SLC24A4: variants seen among roughly 807,000 people sequenced by gnomAD.
SLC24A4 encodes sodium/potassium/calcium exchanger 4.
In SLC24A4, 53 loss-of-function variants were observed where a neutral mutation model predicts 79.0. That is an observed-to-expected ratio of 0.67 (90% CI 0.54 to 0.84). SLC24A4 has a LOEUF of 0.84. SLC24A4 is among the 40% of genes least tolerant of loss of function. The pLI, the probability that SLC24A4 is intolerant of heterozygous loss-of-function variation, is 0.00. For missense variants in SLC24A4, 731 were observed against 822.0 expected (o/e 0.89, Z 1.35); for synonymous variants, 323 against 323.8 (o/e 1.00, Z 0.03).
intron 2 of SLC24A4, among the ~76,000 whole-genome samples, chr14:92,395,432 AAC>A (rs60360408): frequency 0.025 from 3,617 of 144,680 alleles, 67 homozygotes; most frequent in East Asian, 0.057. Flanking sequence ...AACAAAACAA[AAC>A]ACACACACAC....
At chr14:92,345,303 G>T (rs1886462546) in intron 2 of SLC24A4, among the ~76,000 whole-genome samples, 1 of 152,206 alleles carries the variant, frequency 6.6e-6, no homozygotes, top group African/African-American at 2.4e-5. Flanking sequence ...GCAACCTGGA[G>T]CAAGTTACTT....
chr14:92,459,717 C>T (rs1893687891), intron 12 of SLC24A4, among the ~76,000 whole-genome samples: 3 of 152,150 alleles, frequency 2.0e-5, no homozygotes, highest in Admixed American at 6.5e-5. Context: ...GAGGAGCAGG[C>T]GGTGGGAACG....
chr14:92,400,371 A>G lies in SLC24A4; in HGVS notation c.242-33541A>G, dbSNP rs188446643. On this transcript the variant is annotated intron_variant, in intron 2 of 16. Transcript: ENST00000532405. ...GGAGAATTGCTTCAACATGGGAGGCAGAGGTTGCAGTGAGCCGAGATCGTG... is the reference window on the plus strand; with the variant it reads ...GGAGAATTGCTTCAACATGGGAGGCGGAGGTTGCAGTGAGCCGAGATCGTG... 6.1e-4 allele frequency among the ~76,000 whole-genome samples: 91 copies of G among 149,320 alleles called. 1 individual carries two copies. Among genetic ancestry groups the G allele is most frequent in the African/African-American group, 1.5e-3 (59 of 40,462 alleles).
At chr14:92,481,549 G>C (rs1895073506) in intron 12 of SLC24A4, among the ~76,000 whole-genome samples, 1 of 152,220 alleles carries the variant, frequency 6.6e-6, no homozygotes, top group African/African-American at 2.4e-5. Context: ...CTCCAACCTT[G>C]TTCTGCCCCC....
At chr14:92,327,896 G>A (rs959915557) in intron 2 of SLC24A4, among the ~76,000 whole-genome samples, 2 of 152,188 alleles carry the variant, frequency 1.3e-5, no homozygotes, top group African/African-American at 4.8e-5. Context: ...ATTATGCTTT[G>A]TATTGACTGT....
rs1465999110 is a variant in SLC24A4 at position 92,493,896 on chromosome 14, GGAGATGTGCCAA to G, written c.*270_*281del. The G allele has an allele frequency of 4.7e-5, 22 of 472,236 alleles. No homozygotes were observed. The highest frequency in any genetic ancestry group is 7.6e-5 in the Non-Finnish European group (20 of 262,804). 29.3% of individuals were successfully genotyped at this position (472,236 alleles called of 1,614,324 possible). On this transcript the variant is annotated 3_prime_UTR_variant, in exon 17 of 17. Coordinates refer to ENST00000532405, the MANE Select transcript of SLC24A4 (RefSeq NM_153646.4). ...CAAAGACCCCTGAGCTGCCAACCAC[GGAGATGTGCCAA>G]GCATCTCATCTCTCCTGCACACTTT...
intron 2 of SLC24A4, among the ~76,000 whole-genome samples, chr14:92,421,240 C>T (rs758161827): frequency 1.3e-5 from 2 of 152,116 alleles, no homozygotes; most frequent in Non-Finnish European, 2.9e-5. Flanking sequence ...GTGTGTCAGA[C>T]ATTCAGTAGG....
intron 2 of SLC24A4, among the ~76,000 whole-genome samples, chr14:92,384,797 C>G (rs61975637): frequency 0.067 from 10,163 of 152,234 alleles, 440 homozygotes; most frequent in Non-Finnish European, 0.085. Context: ...CTGCCCTCCT[C>G]CTCTTCCCCT....
intron 2 of SLC24A4, among the ~76,000 whole-genome samples, chr14:92,354,743 C>G (rs376700818): frequency 2.6e-5 from 4 of 152,224 alleles, no homozygotes; most frequent in African/African-American, 4.8e-5. Flanking sequence ...ATTATTTTGG[C>G]TCCCAGAGCA....
intron 2 of SLC24A4, among the ~76,000 whole-genome samples, chr14:92,426,210 A>G (rs575733665): frequency 5.9e-5 from 9 of 152,134 alleles, no homozygotes; most frequent in Non-Finnish European, 1.2e-4. Flanking sequence ...GAAGGTTTAT[A>G]TGGCTCATGA....
intron 2 of SLC24A4, among the ~76,000 whole-genome samples, chr14:92,376,371 G>A (rs1039247781): frequency 7.9e-5 from 12 of 152,250 alleles, no homozygotes; most frequent in Non-Finnish European, 1.2e-4. Flanking sequence ...GCCCCTGCCT[G>A]GTGCCCCCTT....
At chr14:92,372,830 C>A (rs1035092055) in intron 2 of SLC24A4, among the ~76,000 whole-genome samples, 3 of 151,710 alleles carry the variant, frequency 2.0e-5, no homozygotes, top group Admixed American at 6.6e-5. Flanking sequence ...ATTACATTTG[C>A]ACCTTGCTAG....
intron 2 of SLC24A4, among the ~76,000 whole-genome samples, chr14:92,401,431 T>C (rs1890106536): frequency 6.6e-6 from 1 of 152,174 alleles, no homozygotes; most frequent in South Asian, 2.1e-4. Flanking sequence ...TGTGGGCTAG[T>C]ATGGCCTAAA....
At chr14:92,486,518 G>A (rs912817581) in intron 13 of SLC24A4, 148 bp from the exon 14 acceptor site, 2 of 603,686 alleles carry the variant, frequency 3.3e-6, no homozygotes, top group African/African-American at 3.8e-5. Context: ...GGTTTTTTTT[G>A]TTTTGTTTTG....
rs1011371635 is a variant in SLC24A4, at chr14:92,398,945, C to G, written c.242-34967C>G. 6.6e-6 allele frequency among the ~76,000 whole-genome samples: 1 copy of G among 152,218 alleles called. No individual in the cohort carries two copies. The highest frequency in any genetic ancestry group is 6.5e-5 in the Admixed American group (1 of 15,272). On this transcript the variant is annotated intron_variant, in intron 2 of 16. Coordinates refer to ENST00000532405, the MANE Select transcript of SLC24A4 (RefSeq NM_153646.4). This position sits in a 1 kb window ranked among gnomAD's most constrained non-coding sequence, Gnocchi z 4.1. ...GTTGGTTTAAATCTGATGACACACT[C>G]TGTAACTCTCCAGTATTTGAGGATG...
chr14:92,404,547 G>A (rs987038251), intron 2 of SLC24A4, among the ~76,000 whole-genome samples: 5 of 152,264 alleles, frequency 3.3e-5, no homozygotes, highest in Middle Eastern at 3.4e-3. Flanking sequence ...CAGCATGTCA[G>A]CCCTGGCTGT....
At chr14:92,408,427 G>T (rs1890527003) in intron 2 of SLC24A4, 2 of 985,222 alleles carry the variant, frequency 2.0e-6, no homozygotes, top group Non-Finnish European at 1.2e-6. Flanking sequence ...TCCTATCTCT[G>T]CAAACATGTG....
intron 9 of SLC24A4, among the ~76,000 whole-genome samples, chr14:92,448,374 A>ACACACACACACACACG (rs1310857775): frequency 6.6e-6 from 1 of 151,872 alleles, no homozygotes; most frequent in East Asian, 1.9e-4. Flanking sequence ...ACACACACAC[A>ACACACACACACACACG]CACACAAATC....
intron 2 of SLC24A4, among the ~76,000 whole-genome samples, chr14:92,427,481 T>C (rs1595263344): frequency 6.6e-6 from 1 of 152,248 alleles, no homozygotes; most frequent in African/African-American, 2.4e-5. Flanking sequence ...AAAGCTTGTC[T>C]GGCTGCCCTG....
Sources: gnomAD v4.1 joint callset for allele counts (sites outside exome capture counted in the v4.1 genomes callset) on GRCh38, gnomAD v4.1.1 for gene constraint, Gnocchi (gnomAD v3.1) non-coding constraint, MANE v1.5 for transcripts, NCBI Gene and HGNC (gene_info 2026-07-23, HGNC 2026-07-21) for gene names.